Variants in ASAP2 observed in about 807,000 individuals in gnomAD.
ASAP2 encodes arf-GAP with SH3 domain, ANK repeat and PH domain-containing protein 2.
In ASAP2, 45 loss-of-function variants were observed where a neutral mutation model predicts 131.4. That is an observed-to-expected ratio of 0.34 (90% CI 0.27 to 0.44). The LOEUF (loss-of-function observed/expected upper bound fraction) is 0.44. Ranked by LOEUF, ASAP2 falls within the 20% of genes least tolerant of loss-of-function variation. The probability of loss-of-function intolerance (pLI) is 1.00; values close to 1 mark genes in which losing one functional copy is unlikely to be tolerated. For missense variants in ASAP2, 1,011 were observed against 1,297.0 expected, an observed-to-expected ratio of 0.78 and a Z score of 3.39; for synonymous variants, 510 against 503.0, an observed-to-expected ratio of 1.01 and a Z score of -0.19.
At chr2:9,298,501 T>A (rs1668286876) in intron 3 of ASAP2, among the ~76,000 whole-genome samples, 1 of 152,204 alleles carries the variant, frequency 6.6e-6, no homozygotes, top group Admixed American at 6.5e-5. Flanking sequence ...CTTAGAGGAA[T>A]TTGAAATCCC....
At chr2:9,341,203 C>G (rs1170258297) in intron 9 of ASAP2, among the ~76,000 whole-genome samples, 1 of 152,054 alleles carries the variant, frequency 6.6e-6, no homozygotes, top group Non-Finnish European at 1.5e-5. Flanking sequence ...GTGAAAGGGC[C>G]GGTTTTCTCT....
At chr2:9,400,190 G>GCCCTCCTGTCCCCTC in intron 25 of ASAP2, 118 bp downstream of exon 25, 2 of 804,966 alleles carry the variant, frequency 2.5e-6, no homozygotes, top group Non-Finnish European at 3.6e-6. Flanking sequence ...CCATTCCACA[G>GCCCTCCTGTCCCCTC]CCCTCCTGCC....
At chr2:9,304,830 G>A (rs865811574) in intron 3 of ASAP2, among the ~76,000 whole-genome samples, 16 of 149,630 alleles carry the variant, frequency 1.1e-4, no homozygotes, top group African/African-American at 1.5e-4. Flanking sequence ...GGCTGGACGA[G>A]TGGGGTGTAG....
chr2:9,243,119 G>GT (rs1315823966), intron 1 of ASAP2, among the ~76,000 whole-genome samples: 4 of 152,132 alleles, frequency 2.6e-5, no homozygotes, highest in East Asian at 1.9e-4. Flanking sequence ...GTTTTGTTTT[G>GT]TTTTTTTGAG....
intron 16 of ASAP2, among the ~76,000 whole-genome samples, chr2:9,371,593 G>A (rs1174454011): frequency 6.6e-6 from 1 of 152,176 alleles, no homozygotes; most frequent in South Asian, 2.1e-4. Context: ...ACACCCTCTA[G>A]TGGCCTGTGA....
At chr2:9,282,106 A>G (rs758691696) in intron 2 of ASAP2, among the ~76,000 whole-genome samples, 2 of 152,246 alleles carry the variant, frequency 1.3e-5, no homozygotes, top group Non-Finnish European at 2.9e-5. Flanking sequence ...ACAAAGCTCT[A>G]CAGTGACAGG....
intron 7 of ASAP2, among the ~76,000 whole-genome samples, chr2:9,330,827 G>A (rs1670785600): frequency 6.6e-6 from 1 of 152,182 alleles, no homozygotes; most frequent in African/African-American, 2.4e-5. Context: ...ACCACTTGTG[G>A]AAAAGTGAAG....
At chr2:9,375,490 G>A (rs1674335084) in intron 17 of ASAP2, among the ~76,000 whole-genome samples, 1 of 152,142 alleles carries the variant, frequency 6.6e-6, no homozygotes, top group Non-Finnish European at 1.5e-5. Flanking sequence ...ATCATGGAAT[G>A]ATTACATCAA....
Position 9,325,826 on chromosome 2 carries a change from G to A in ASAP2, c.601-2000G>A, listed in dbSNP as rs534668641. Among the ~76,000 whole-genome samples, 21 of 152,340 alleles carry A rather than the reference G, an allele frequency of 1.4e-4. No homozygotes were observed. In the East Asian group the frequency reaches 1.7e-3, roughly 13 times the overall value. On this transcript the variant is annotated intron_variant, in intron 6 of 27. Coordinates refer to ENST00000281419, the MANE Select transcript of ASAP2 (RefSeq NM_003887.3). ...GGTAGTGCTGGGTCCTGGCTCTGCA[G>A]AGCTGGCACTTGGAGGGGTCAGGCA...
At chr2:9,399,728 G>GGGCCAGT (rs1676465949) in intron 24 of ASAP2, 2 of 472,404 alleles carry the variant, frequency 4.2e-6, no homozygotes, top group African/African-American at 2.0e-5. Flanking sequence ...ACTCGGGGCG[G>GGGCCAGT]GGCCAGTGGC....
In ASAP2 at chr2:9,268,475, A is replaced by AT. The variant is rs1314023406; in HGVS notation, c.127-10840dup. ...CCTGCTATTCTTCAGGCCTGGCTTT[A>AT]TTCCCACAAGGGGGGAGGTTCGTTA... On this transcript the variant is annotated intron_variant, in intron 1 of 27. Transcript: ENST00000281419. This position sits in a 1 kb window ranked among gnomAD's most constrained non-coding sequence, Gnocchi z 4.1. 3.9e-5 allele frequency among the ~76,000 whole-genome samples: 6 copies of AT among 152,208 alleles called. No homozygotes were observed. The highest frequency in any genetic ancestry group is 1.4e-4 in the African/African-American group (6 of 41,444).
intron 20 of ASAP2, among the ~76,000 whole-genome samples, chr2:9,382,812 A>C (rs1674965822): frequency 6.6e-6 from 1 of 152,240 alleles, no homozygotes; most frequent in South Asian, 2.1e-4. Context: ...CCCCGACCCC[A>C]TACACCAATT....
At chr2:9,359,098 A>G (rs1331896422) in intron 15 of ASAP2, among the ~76,000 whole-genome samples, 3 of 152,240 alleles carry the variant, frequency 2.0e-5, no homozygotes, top group African/African-American at 7.2e-5. Flanking sequence ...TCTTAAATGA[A>G]TAAAGGGGAG....
intron 18 of ASAP2, among the ~76,000 whole-genome samples, chr2:9,377,328 A>G (rs1296468340): frequency 6.6e-6 from 1 of 152,226 alleles, no homozygotes; most frequent in African/African-American, 2.4e-5. Context: ...GAGCCAGGTC[A>G]TCGTACTGCG....
chr2:9,403,267 T>C lies in ASAP2; in HGVS notation c.2961T>C (p.Asp987=), dbSNP rs1179605490. 6 of 1,613,734 alleles carry C rather than the reference T, an allele frequency of 3.7e-6. No homozygotes were observed. The highest frequency in any genetic ancestry group is 2.7e-5 in the African/African-American group (2 of 74,944). ...EDQEWWIGHI[D]GDPGRKGAFP... The stretch of plus-strand genomic sequence containing the variant: ...CTCCATTTCAGATTGGCCACATTGA[T>C]GGAGATCCTGGTCGCAAAGGCGCAT... The change falls in exon 28 of 28, where the codon GAT becomes GAC. Residue 987 remains aspartate, a synonymous_variant. Transcript: ENST00000281419.
chr2:9,391,588 T>G (rs1675726553), intron 23 of ASAP2, among the ~76,000 whole-genome samples: 1 of 150,222 alleles, frequency 6.7e-6, no homozygotes, highest in South Asian at 2.1e-4. Context: ...TTTTTTTTTT[T>G]TTTTTGAGAC....
At chr2:9,221,431 A>C (rs1385276253) in intron 1 of ASAP2, among the ~76,000 whole-genome samples, 1 of 150,304 alleles carries the variant, frequency 6.7e-6, no homozygotes. Flanking sequence ...CTGGGATTGC[A>C]GGCATGAGCC....
chr2:9,242,949 G>A (rs1002345884), intron 1 of ASAP2, among the ~76,000 whole-genome samples: 1 of 152,148 alleles, frequency 6.6e-6, no homozygotes, highest in African/African-American at 2.4e-5. Context: ...CAAAAAAAGA[G>A]GCATAAGCAG....
Position 9,286,447 on chromosome 2 carries a change from A to AATAT in ASAP2, c.199+7070_199+7073dup, listed in dbSNP as rs1553304561. Among the ~76,000 whole-genome samples, 720 of 148,486 alleles carry AATAT rather than the reference A, an allele frequency of 4.8e-3. 8 individuals carry two copies. Among genetic ancestry groups the AATAT allele is most frequent in the African/African-American group, 0.017 (673 of 39,578 alleles). On this transcript the variant is annotated intron_variant, in intron 2 of 27. Coordinates refer to ENST00000281419, the MANE Select transcript of ASAP2 (RefSeq NM_003887.3). ...TTTTTTTTAAAAAAGGAAAAAAAAA[A>AATAT]ATATATATATATATACTGTATCTGA... is the stretch of plus-strand genomic sequence containing the variant.
Sources: gnomAD v4.1 joint callset for allele counts (sites outside exome capture counted in the v4.1 genomes callset) on GRCh38, gnomAD v4.1.1 for gene constraint, Gnocchi (gnomAD v3.1) non-coding constraint, MANE v1.5 for transcripts, NCBI Gene and HGNC (gene_info 2026-07-23, HGNC 2026-07-21) for gene names.